GCM2: variants seen among roughly 807,000 people sequenced by gnomAD.
The protein encoded by GCM2 is GCM transcription factor 2.
Under a neutral mutation model 24.8 loss-of-function variants are expected in GCM2, and 21 were observed. The ratio of observed to expected loss-of-function variants is 0.85; its 90% confidence interval spans 0.60 to 1.22. GCM2 has a LOEUF of 1.22. GCM2 is among the 50% of genes most tolerant of loss of function. The pLI is 0.00. For missense variants in GCM2, 532 were observed against 645.6 expected, an observed-to-expected ratio of 0.82 and a Z score of 1.91; for synonymous variants, 222 against 238.0, an observed-to-expected ratio of 0.93 and a Z score of 0.62.
At chr6:10,877,529 C>G (rs1019211278) in intron 1 of GCM2, 137 bp from the exon 2 acceptor site, 1 of 869,412 alleles carries the variant, frequency 1.2e-6, no homozygotes, top group Non-Finnish European at 1.9e-6. Flanking sequence ...CAAAATGCCA[C>G]TCTTTCTATG....
intron 4 of GCM2, 25 bp from the exon 5 acceptor site, chr6:10,874,958 C>A (rs928350732): frequency 1.3e-6 from 2 of 1,490,618 alleles, no homozygotes; most frequent in African/African-American, 2.8e-5. Context: ...CAAACATAGA[C>A]ACACGCTATG....
At position 10,881,737 on chromosome 6, in the gene GCM2, G is replaced by A. The variant is rs1408661385; in HGVS notation, c.57C>T (p.Leu19=). The change falls in exon 1 of 5, where the codon CTC becomes CTT. Residue 19 remains leucine (L), a synonymous_variant. Coordinates refer to ENST00000379491, the MANE Select transcript of GCM2 (RefSeq NM_004752.4). The part of the protein sequence containing the change: ...AVGVCSYGMQ[L]SWDINDPQMP... ...TCTGCGGATCGTTGATGTCCCAGCT[G>A]AGCTGCATCCCGTAGGAGCACACGC... The A allele has an allele frequency of 1.2e-6, 2 of 1,611,668 alleles. No individual in the cohort carries two copies. Among genetic ancestry groups the A allele is most frequent in the Non-Finnish European group, 1.7e-6 (2 of 1,179,956 alleles).
In GCM2 at chr6:10,874,216, C is replaced by T. The variant is rs142084903; in HGVS notation, c.1300G>A (p.Val434Met). Reference protein sequence around the residue: ...SVYPEPWGPPVTVTRAASPSG... With the variant: ...SVYPEPWGPPMTVTRAASPSG... Reference sequence around the variant, plus strand: ...GGAGAGGCTGCCCTGGTGACTGTCACCGGAGGACCCCAGGGTTCTGGATAG... The same window carrying T: ...GGAGAGGCTGCCCTGGTGACTGTCATCGGAGGACCCCAGGGTTCTGGATAG... The change falls in exon 5 of 5, where the codon GTG (valine) becomes ATG (methionine). Residue 434 changes from valine (V) to methionine (M), a missense_variant. Val to Met is a conservative substitution (Grantham distance 21). This residue lies in a region of GCM2 where 434 missense variants were observed against 521.9 expected (regional missense o/e 0.83). Coordinates refer to ENST00000379491, the MANE Select transcript of GCM2 (RefSeq NM_004752.4). The T allele has an allele frequency of 1.2e-6, 2 of 1,614,112 alleles. No homozygotes were observed. Among genetic ancestry groups the T allele is most frequent in the Non-Finnish European group, 1.7e-6 (2 of 1,180,000 alleles).
chr6:10,874,138 T>A lies in GCM2; in HGVS notation c.1378A>T (p.Thr460Ser). 1.2e-6 allele frequency: 2 copies of A among 1,614,218 alleles called. No individual in the cohort carries two copies. Among genetic ancestry groups the A allele is most frequent in the Non-Finnish European group, 1.7e-6 (2 of 1,180,042 alleles). Residue 460 changes from threonine to serine, a missense_variant, in exon 5 of 5, where the codon ACT becomes TCT. By Grantham distance (58) the Thr-to-Ser change is moderately conservative. This residue lies in a region of GCM2 where 434 missense variants were observed against 521.9 expected (regional missense o/e 0.83). Transcript: ENST00000379491. ...IAGDCRAIRP[T>S]VAIPHEPVSS... is the part of the protein sequence containing the mutation. Reference sequence around the variant, plus strand: ...ACTGGCTCGTGGGGAATAGCCACAGTGGGTCTGATGGCCCGGCAATCTCCT... The same window carrying A: ...ACTGGCTCGTGGGGAATAGCCACAGAGGGTCTGATGGCCCGGCAATCTCCT...
In GCM2 at chr6:10,874,908, C is replaced by T; in HGVS notation, c.608G>A (p.Gly203Asp). The T allele has an allele frequency of 6.2e-7, 1 of 1,613,060 alleles. No homozygotes were observed. Among genetic ancestry groups the T allele is most frequent in the Non-Finnish European group, 8.5e-7 (1 of 1,179,050 alleles). Reference protein sequence around the residue: ...SEAEENQDSSGHFSNIPPLEN... With the variant: ...SEAEENQDSSDHFSNIPPLEN... ...CAAGGGAGGTATGTTGCTGAAATGA[C>T]CACTGCTGTCTTGATTTTCTTCTGC... Residue 203 changes from glycine (G) to aspartate (D), a missense_variant, in exon 5 of 5, where the codon GGT (glycine) becomes GAT (aspartate). Gly to Asp is a moderately conservative substitution (Grantham distance 94). Transcript: ENST00000379491.
chr6:10,878,548 G>A (rs1013599145), intron 1 of GCM2, among the ~76,000 whole-genome samples: 1 of 152,090 alleles, frequency 6.6e-6, no homozygotes, highest in Non-Finnish European at 1.5e-5. Flanking sequence ...TGATCTTCCT[G>A]ACCTCATGAT....
chr6:10,881,556 GTGTGTGT>G, intron 1 of GCM2, 141 bp downstream of exon 1: 1 of 6,596 alleles, frequency 1.5e-4, no homozygotes, highest in South Asian at 1.6e-3. Context: ...TTGCGGGTAT[GTGTGTGT>G]GTGTGTGTGT....
intron 1 of GCM2, among the ~76,000 whole-genome samples, chr6:10,879,335 C>T (rs1315247080): frequency 6.6e-6 from 1 of 152,174 alleles, no homozygotes; most frequent in Non-Finnish European, 1.5e-5. Context: ...GTAGACTAGG[C>T]CCCCATGCCT....
chr6:10,877,421 A>G, intron 1 of GCM2, 29 bp from the exon 2 acceptor site: 1 of 1,613,484 alleles, frequency 6.2e-7, no homozygotes, highest in Non-Finnish European at 8.5e-7. Flanking sequence ...AAGGGTGGTC[A>G]GTCTATCCAG....
chr6:10,879,030 T>C (rs1779921297), intron 1 of GCM2, among the ~76,000 whole-genome samples: 1 of 152,222 alleles, frequency 6.6e-6, no homozygotes, highest in South Asian at 2.1e-4. Context: ...ATACTGCACA[T>C]TCTAACAGTA....
At chr6:10,879,876 C>G (rs1442119655) in intron 1 of GCM2, among the ~76,000 whole-genome samples, 4 of 152,152 alleles carry the variant, frequency 2.6e-5, no homozygotes, top group African/African-American at 7.2e-5. Context: ...TGTACATGGA[C>G]AGAAACAGAA....
rs1453097443 is a variant in GCM2 at position 10,873,879 on chromosome 6, CTG to C, written c.*114_*115del. On this transcript the variant is annotated 3_prime_UTR_variant, in exon 5 of 5. Transcript: ENST00000379491. ...AGTTACTCAGAATTTTTACTACTAT[CTG>C]TGTTTCTTTGCACACAAGGTGAATC... 3 of 795,656 alleles carry C rather than the reference CTG, an allele frequency of 3.8e-6. No homozygotes were observed. The highest frequency in any genetic ancestry group is 2.1e-6 in the Non-Finnish European group (1 of 466,640). The allele number at this position is 795,656 out of a possible 1,614,324, so 49.3% of individuals were successfully genotyped here.
intron 4 of GCM2, among the ~76,000 whole-genome samples, chr6:10,875,483 G>A (rs762459791): frequency 3.3e-5 from 5 of 152,192 alleles, no homozygotes; most frequent in African/African-American, 1.2e-4. Flanking sequence ...TGCTTTGGTT[G>A]AAAAGCCAAA....
Position 10,877,214 on chromosome 6 carries a change from G to A in GCM2, c.269C>T (p.Ala90Val). 6.2e-7 allele frequency: 1 copy of A among 1,614,140 alleles called. No homozygotes were observed. The highest frequency in any genetic ancestry group is 1.1e-5 in the South Asian group (1 of 91,082). The change falls in exon 2 of 5, where the codon GCC becomes GTC. Residue 90 changes from alanine to valine, a missense_variant. Coordinates refer to ENST00000379491, the MANE Select transcript of GCM2 (RefSeq NM_004752.4). ...SCLGVVVCTQ[A>V]CTLPDGSRLQ... ...GCGGGAACCGTCGGGCAGGGTGCAGGCCTGTGTACACACCACCACACCCAG... is the reference window on the plus strand; with the variant it reads ...GCGGGAACCGTCGGGCAGGGTGCAGACCTGTGTACACACCACCACACCCAG...
chr6:10,876,860 T>C (rs1389365972), intron 2 of GCM2, among the ~76,000 whole-genome samples: 1 of 151,934 alleles, frequency 6.6e-6, no homozygotes, highest in African/African-American at 2.4e-5. Flanking sequence ...TGTCGGGAGT[T>C]CAAGACCAGC....
intron 1 of GCM2, among the ~76,000 whole-genome samples, chr6:10,881,032 A>G (rs1385516810): frequency 6.6e-6 from 1 of 152,228 alleles, no homozygotes; most frequent in East Asian, 1.9e-4. Flanking sequence ...AAGGGAAGTG[A>G]AAGGACAGGC....
At position 10,881,551 on chromosome 6, in the gene GCM2, GGTATGTGTGT is replaced by G. The variant is rs1230633424; in HGVS notation, c.90+143_90+152del. On this transcript the variant is annotated intron_variant, in intron 1 of 4. Coordinates refer to ENST00000379491, the MANE Select transcript of GCM2 (RefSeq NM_004752.4). ...GCCTCAGAAACCCAGAAATTTTGCG[GGTATGTGTGT>G]GTGTGTGTGTGTGTGTGTGTGTGTG... Among the ~76,000 whole-genome samples the G allele has an allele frequency of 0.021, 2,697 of 128,210 alleles. 76 individuals carry two copies. The highest frequency in any genetic ancestry group is 0.074 in the African/African-American group (2,442 of 33,128). The allele number at this position is 128,210 out of a possible 152,430, so 84.1% of individuals were successfully genotyped here. A position where few individuals can be genotyped will look rare whatever the true frequency, so the allele number is the denominator to read the frequency against.
chr6:10,875,174 T>C (rs1473051851), intron 4 of GCM2, among the ~76,000 whole-genome samples: 2 of 152,190 alleles, frequency 1.3e-5, no homozygotes, highest in African/African-American at 4.8e-5. Flanking sequence ...GGTAGGATGC[T>C]TCTGAGTGGC....
At chr6:10,877,658 G>C (rs1338391406) in intron 1 of GCM2, among the ~76,000 whole-genome samples, 1 of 152,074 alleles carries the variant, frequency 6.6e-6, no homozygotes, top group Admixed American at 6.5e-5. Flanking sequence ...TTTCCAATTT[G>C]CCGATGAGGA....
Sources: gnomAD v4.1 joint callset for allele counts (sites outside exome capture counted in the v4.1 genomes callset) on GRCh38, gnomAD v4.1.1 for gene constraint, gnomAD v4.1.1 regional missense constraint, MANE v1.5 for transcripts, NCBI Gene and HGNC (gene_info 2026-07-23, HGNC 2026-07-21) for gene names.